The following POU1F1 variants were observed in gnomAD, a reference collection of about 807,000 sequenced individuals.
POU1F1 encodes pituitary-specific positive transcription factor 1.
A neutral mutation model predicts 32.3 loss-of-function variants in POU1F1; 23 were observed. That is an observed-to-expected ratio of 0.71 (90% CI 0.51 to 1.01). The LOEUF is 1.01. Among genes scored for constraint, POU1F1 ranks in the 50% least tolerant of loss-of-function variants. The probability of loss-of-function intolerance (pLI) is 0.00; values close to 1 mark genes in which losing one functional copy is unlikely to be tolerated. For synonymous variants in POU1F1, 120 were observed against 115.6 expected (o/e 1.04, Z -0.25); for missense variants, 323 against 341.6 (o/e 0.95, Z 0.43).
chr3:87,270,540 T>A (rs985726169), intron 2 of POU1F1, among the ~76,000 whole-genome samples: 2 of 152,208 alleles, frequency 1.3e-5, no homozygotes, highest in Non-Finnish European at 2.9e-5. Context: ...CATCAGAGTA[T>A]GAGTAATGAA....
intron 2 of POU1F1, among the ~76,000 whole-genome samples, chr3:87,270,447 C>A (rs1176165140): frequency 6.6e-6 from 1 of 152,166 alleles, no homozygotes; most frequent in Admixed American, 6.6e-5. Context: ...AAAATTCTAC[C>A]TACCAACCTG....
intron 2 of POU1F1, among the ~76,000 whole-genome samples, chr3:87,271,494 G>A (rs1176102622): frequency 1.3e-5 from 2 of 152,150 alleles, no homozygotes; most frequent in East Asian, 1.9e-4. Context: ...TCTGTGCTGG[G>A]TTAAGAGAGA....
chr3:87,271,978 G>A (rs1171975831), intron 2 of POU1F1, among the ~76,000 whole-genome samples: 3 of 151,754 alleles, frequency 2.0e-5, no homozygotes, highest in Admixed American at 2.0e-4. Context: ...GTCTTACATG[G>A]ACAAATTTTG....
chr3:87,268,431 AG>A (rs567902261), intron 2 of POU1F1, among the ~76,000 whole-genome samples: 2 of 152,012 alleles, frequency 1.3e-5, no homozygotes, highest in Non-Finnish European at 1.5e-5. Context: ...ATTGCATGAA[AG>A]TATCTACAAT....
intron 3 of POU1F1, among the ~76,000 whole-genome samples, chr3:87,263,538 A>G (rs543653588): frequency 6.6e-6 from 1 of 152,228 alleles, no homozygotes; most frequent in African/African-American, 2.4e-5. Flanking sequence ...ATTTGGTACA[A>G]CTTCTCTAGA....
intron 2 of POU1F1, among the ~76,000 whole-genome samples, chr3:87,267,828 A>G (rs370715084): frequency 5.3e-5 from 8 of 152,042 alleles, no homozygotes; most frequent in African/African-American, 1.9e-4. Context: ...CTGGTCTCAA[A>G]ACTCCTGGCT....
intron 2 of POU1F1, 81 bp from the exon 3 acceptor site, chr3:87,264,593 C>A: frequency 8.7e-7 from 1 of 1,149,220 alleles, no homozygotes; most frequent in African/African-American, 1.5e-5. Flanking sequence ...TTTTGCCTGA[C>A]TTAGCCCATT....
At chr3:87,268,306 C>T (rs1706662905) in intron 2 of POU1F1, among the ~76,000 whole-genome samples, 1 of 151,612 alleles carries the variant, frequency 6.6e-6, no homozygotes, top group African/African-American at 2.4e-5. Flanking sequence ...AGGGTTTCAC[C>T]ACATTGGCCA....
At chr3:87,265,894 A>G (rs992764474) in intron 2 of POU1F1, among the ~76,000 whole-genome samples, 7 of 151,838 alleles carry the variant, frequency 4.6e-5, no homozygotes, top group African/African-American at 7.2e-5. Flanking sequence ...GGATGATTGT[A>G]TAAGCAAGAC....
intron 3 of POU1F1, 112 bp from the exon 4 acceptor site, chr3:87,262,347 A>T (rs1384492225): frequency 3.3e-6 from 4 of 1,202,222 alleles, no homozygotes; most frequent in Non-Finnish European, 3.6e-6. Flanking sequence ...CTATTTTTTA[A>T]CTATATATTC....
chr3:87,260,167 A>C, intron 5 of POU1F1, 63 bp from the exon 6 acceptor site: 2 of 1,314,962 alleles, frequency 1.5e-6, no homozygotes, highest in Non-Finnish European at 2.2e-6. Flanking sequence ...TTGGCAGCTC[A>C]AAATTAAGGT....
Position 87,259,641 on chromosome 3 carries a change from G to GGTCGCCGT in POU1F1, c.*252_*253insACGGCGAC. On this transcript the variant is annotated 3_prime_UTR_variant, in exon 6 of 6. Transcript: ENST00000350375. ...AGAAAGAGAGCGGGAGAGACAGAGA[G>GGTCGCCGT]ATCATTTTATTACTGTTAATATATT... 21 of 454,268 alleles carry GGTCGCCGT rather than the reference G, an allele frequency of 4.6e-5. No individual in the cohort carries two copies. Among genetic ancestry groups the GGTCGCCGT allele is most frequent in the South Asian group, 1.9e-4 (8 of 42,606 alleles). The allele number at this position is 454,268 out of a possible 1,614,324, so 28.1% of individuals were successfully genotyped here.
chr3:87,270,977 A>C (rs1706711486), intron 2 of POU1F1, among the ~76,000 whole-genome samples: 1 of 151,960 alleles, frequency 6.6e-6, no homozygotes, highest in East Asian at 1.9e-4. Flanking sequence ...GGGATTTAAC[A>C]ATCCCTCTCA....
In POU1F1 at chr3:87,260,111, G is replaced by A. The variant is rs762701632; in HGVS notation, c.666-7C>T. 8.7e-6 allele frequency: 14 copies of A among 1,611,832 alleles called. No individual in the cohort carries two copies. Among genetic ancestry groups the A allele is most frequent in the Non-Finnish European group, 1.2e-5 (14 of 1,178,712 alleles). On this transcript the variant is annotated splice_region_variant and splice_polypyrimidine_tract_variant and intron_variant, in intron 5 of 5. Transcript: ENST00000350375. ...AGCATCTTTAGCAGCAATGCTGGCG[G>A]GGGGTGGACATAGGGGGTGAAATTT...
At chr3:87,270,282 C>G (rs1037067488) in intron 2 of POU1F1, among the ~76,000 whole-genome samples, 3 of 152,042 alleles carry the variant, frequency 2.0e-5, no homozygotes, top group African/African-American at 7.2e-5. Flanking sequence ...CCCACCACAA[C>G]GTAGATATGA....
chr3:87,270,075 G>A (rs1331123113), intron 2 of POU1F1, among the ~76,000 whole-genome samples: 2 of 152,098 alleles, frequency 1.3e-5, no homozygotes, highest in African/African-American at 4.8e-5. Context: ...TTATCTAGGA[G>A]AGACTTTGAA....
chr3:87,273,527 A>G (rs1223771279), intron 1 of POU1F1, 109 bp from the exon 2 acceptor site: 2 of 1,527,686 alleles, frequency 1.3e-6, no homozygotes, highest in South Asian at 2.4e-5. Context: ...GATTCAAGAC[A>G]CATTCGTTTT....
In POU1F1 at chr3:87,264,521, A is replaced by T. The variant is rs1194362377; in HGVS notation, c.215-9T>A. ...ACAAGGGGTTAAACTACCTGTGAGT[A>T]AACAAAGAAATAAAATGAAAAAGAC... On this transcript the variant is annotated splice_polypyrimidine_tract_variant and intron_variant, in intron 2 of 5. Transcript: ENST00000350375. 16 of 1,546,470 alleles carry T rather than the reference A, an allele frequency of 1.0e-5. No homozygotes were observed. Among genetic ancestry groups the T allele is most frequent in the Non-Finnish European group, 1.3e-5 (15 of 1,118,694 alleles).
At chr3:87,260,236 G>T (rs1289128803) in intron 5 of POU1F1, 132 bp from the exon 6 acceptor site, 10 of 698,200 alleles carry the variant, frequency 1.4e-5, no homozygotes, top group Admixed American at 1.2e-4. Flanking sequence ...GAACACACTT[G>T]CAGGACACTT....
Sources: allele counts gnomAD v4.1 joint callset (sites outside exome capture counted in the v4.1 genomes callset), GRCh38; gene constraint gnomAD v4.1.1; transcripts MANE v1.5; gene names NCBI Gene and HGNC (gene_info 2026-07-23, HGNC 2026-07-21).